The following LASP1NB variants were observed in gnomAD, a reference collection of about 807,000 sequenced individuals.
The protein encoded by LASP1NB is LASP1 neighbor.
the LASP1NB span, chr17:38,926,981 T>C: frequency 6.6e-6 from 1 of 152,196 alleles, no homozygotes; most frequent in Admixed American, 6.5e-5. Context: ...TATCCCAGTT[T>C]CTCATTTAAA....
the LASP1NB span, among the ~76,000 whole-genome samples, chr17:38,926,053 C>G: frequency 6.6e-6 from 1 of 151,894 alleles, no homozygotes; most frequent in Non-Finnish European, 1.5e-5. Flanking sequence ...ACAATGTAAA[C>G]GATTTTTAGG....
the LASP1NB span, chr17:38,927,072 G>GA: frequency 6.6e-6 from 1 of 151,424 alleles, no homozygotes; most frequent in Non-Finnish European, 1.5e-5. Flanking sequence ...ACTTATTTAG[G>GA]AAAAATCTCT....
chr17:38,926,036 A>G, the LASP1NB span: 1 of 308,150 alleles, frequency 3.2e-6, no homozygotes, highest in Non-Finnish European at 5.9e-6. Context: ...AATTACAAAT[A>G]AAATCCACAA....
chr17:38,926,678 A>G, the LASP1NB span: 1 of 152,238 alleles, frequency 6.6e-6, no homozygotes, highest in Non-Finnish European at 1.5e-5. Flanking sequence ...CTGCTCAAAA[A>G]TTCATTTTGA....
At chr17:38,927,287 C>T in the LASP1NB span, 3 of 152,118 alleles carry the variant, frequency 2.0e-5, no homozygotes, top group African/African-American at 7.2e-5. Context: ...CATAATTGTT[C>T]TACATTTAAT....
the LASP1NB span, chr17:38,928,703 A>G: frequency 1.3e-5 from 2 of 152,244 alleles, no homozygotes; most frequent in African/African-American, 4.8e-5. Context: ...GAACCTGGAT[A>G]TATTTAGAAA....
At chr17:38,929,340 C>T in the LASP1NB span, 1 of 151,872 alleles carries the variant, frequency 6.6e-6, no homozygotes, top group African/African-American at 2.4e-5. Context: ...AAATTTGTGT[C>T]ATAGGGTAAT....
the LASP1NB span, chr17:38,928,884 G>T: frequency 5.3e-5 from 8 of 152,304 alleles, no homozygotes; most frequent in African/African-American, 1.9e-4. Context: ...GTCCAAATTA[G>T]AGTTAGTTAT....
At chr17:38,926,746 A>G in the LASP1NB span, 1 of 152,204 alleles carries the variant, frequency 6.6e-6, no homozygotes, top group Non-Finnish European at 1.5e-5. Flanking sequence ...ACTGCACATT[A>G]CACTCAAATA....
At chr17:38,929,320 T>C in the LASP1NB span, 1 of 152,186 alleles carries the variant, frequency 6.6e-6, no homozygotes, top group Admixed American at 6.5e-5. Context: ...AGATTTTGTA[T>C]AAATTTTATA....
At chr17:38,929,301 TG>T in the LASP1NB span, 14 of 152,212 alleles carry the variant, frequency 9.2e-5, no homozygotes, top group Non-Finnish European at 1.9e-4. Flanking sequence ...AAGTTACCTC[TG>T]TAATATAAGA....
At chr17:38,929,258 T>C in the LASP1NB span, 1 of 152,220 alleles carries the variant, frequency 6.6e-6, no homozygotes, top group Non-Finnish European at 1.5e-5. Context: ...TATTTGTATT[T>C]TGGCATCCCA....
the LASP1NB span, chr17:38,925,944 A>AT: frequency 1.7e-3 from 676 of 388,358 alleles, 4 homozygotes; most frequent in African/African-American, 0.013. Context: ...TTGCTTTCCT[A>AT]TTTTTTTTCT....
At chr17:38,927,619 TA>T in the LASP1NB span, 1 of 151,166 alleles carries the variant, frequency 6.6e-6, no homozygotes, top group African/African-American at 2.4e-5. Flanking sequence ...TCAAATAAAA[TA>T]AAATAAATAA....
chr17:38,925,833 T>A, the LASP1NB span: 5 of 398,276 alleles, frequency 1.3e-5, no homozygotes, highest in Non-Finnish European at 2.2e-5. Flanking sequence ...TGGAGATGAA[T>A]GGCCGAGTGC....
the LASP1NB span, chr17:38,925,675 G>A: frequency 2.5e-6 from 1 of 398,622 alleles, no homozygotes; most frequent in Middle Eastern, 6.3e-4. Context: ...CAGGGGCTTG[G>A]TCGGCCTAGG....
the LASP1NB span, chr17:38,928,515 TC>T: frequency 2.6e-5 from 4 of 152,198 alleles, no homozygotes; most frequent in Non-Finnish European, 5.9e-5. Flanking sequence ...TCTTTTTTTT[TC>T]ACCAACAGCC....
At chr17:38,925,952 TC>T in the LASP1NB span, 1 of 387,000 alleles carries the variant, frequency 2.6e-6, no homozygotes, top group Non-Finnish European at 4.6e-6. Flanking sequence ...CTATTTTTTT[TC>T]TTAGACCACT....
At chr17:38,928,396 C>T in the LASP1NB span, 8 of 152,192 alleles carry the variant, frequency 5.3e-5, no homozygotes, top group Non-Finnish European at 1.2e-4. Flanking sequence ...GAAACTACAT[C>T]GAGAACAGAA....
Sources: allele counts gnomAD v4.1 joint callset (sites outside exome capture counted in the v4.1 genomes callset), GRCh38; gene constraint gnomAD v4.1.1; transcripts MANE v1.5; gene names NCBI Gene and HGNC (gene_info 2026-07-23, HGNC 2026-07-21).